TRDN: variants seen among roughly 807,000 people sequenced by gnomAD.
The protein encoded by TRDN is triadin in skeletal muscle.
A neutral mutation model predicts 149.7 loss-of-function variants in TRDN; 161 were observed. That is an observed-to-expected ratio of 1.08 (90% CI 0.95 to 1.23). The LOEUF is 1.23. TRDN is among the 50% of genes most tolerant of loss of function. The pLI, the probability that TRDN is intolerant of heterozygous loss-of-function variation, is 0.00. For synonymous variants in TRDN, 294 were observed against 250.5 expected (o/e 1.17, Z -1.64); for missense variants, 896 against 823.5 (o/e 1.09, Z -1.08).
At chr6:123,257,863 T>C (rs899865630) in intron 35 of TRDN, among the ~76,000 whole-genome samples, 3 of 152,136 alleles carry the variant, frequency 2.0e-5, no homozygotes, top group African/African-American at 7.2e-5. Flanking sequence ...CCTTGTAAGT[T>C]GTATTCCTAG....
At chr6:123,619,950 C>T (rs1226130598) in intron 1 of TRDN, among the ~76,000 whole-genome samples, 1 of 152,062 alleles carries the variant, frequency 6.6e-6, no homozygotes, top group Non-Finnish European at 1.5e-5. Flanking sequence ...GGCTCTTGAC[C>T]TCCACACACT....
intron 1 of TRDN, among the ~76,000 whole-genome samples, chr6:123,607,653 A>G (rs1784583799): frequency 1.3e-5 from 2 of 152,144 alleles, no homozygotes; most frequent in Admixed American, 1.3e-4. Context: ...CCATATAGAA[A>G]TTATACAACT....
At chr6:123,522,571 C>G (rs191511156) in intron 5 of TRDN, among the ~76,000 whole-genome samples, 92 of 92,350 alleles carry the variant, frequency 1.0e-3, no homozygotes, top group African/African-American at 3.6e-3. Context: ...TTTATCTGTA[C>G]TATTATAATT....
In TRDN at chr6:123,625,110, T is replaced by C. The variant is rs150240123; in HGVS notation, c.22+11644A>G. Among the ~76,000 whole-genome samples, 410 of 152,036 alleles carry C rather than the reference T, an allele frequency of 2.7e-3. 2 individuals carry two copies. Among genetic ancestry groups the C allele is most frequent in the African/African-American group, 9.3e-3 (387 of 41,488 alleles). The stretch of plus-strand genomic sequence containing the variant: ...TTTCTGCATTGATCAAATGTACTCT[T>C]GATCTCCTTACTCCTTGAAAAATCA... On this transcript the variant is annotated intron_variant, in intron 1 of 40. Transcript: ENST00000334268.
At chr6:123,275,168 T>G (rs1777329420) in intron 26 of TRDN, among the ~76,000 whole-genome samples, 1 of 152,030 alleles carries the variant, frequency 6.6e-6, no homozygotes, top group Non-Finnish European at 1.5e-5. Context: ...CCAAACAATC[T>G]GTTGAGTCCT....
In TRDN at chr6:123,379,298, C is replaced by A. The variant is rs187238261; in HGVS notation, c.1187-1400G>T. Among the ~76,000 whole-genome samples, 11 of 152,234 alleles carry A rather than the reference C, an allele frequency of 7.2e-5. No homozygotes were observed. In the East Asian group the frequency reaches 1.5e-3, roughly 21 times the overall value. On this transcript the variant is annotated intron_variant, in intron 16 of 40. Transcript: ENST00000334268. Reference sequence around the variant, plus strand: ...AAGTGTGGTATAATGAGCAACTTATCCTCTTTTAAGACAGCCTTTAAGCAG... The same window carrying A: ...AAGTGTGGTATAATGAGCAACTTATACTCTTTTAAGACAGCCTTTAAGCAG...
chr6:123,430,111 A>C (rs1264195655), intron 12 of TRDN, among the ~76,000 whole-genome samples: 6 of 152,050 alleles, frequency 3.9e-5, no homozygotes, highest in Non-Finnish European at 7.4e-5. Flanking sequence ...CTCTACAAAA[A>C]TAAACAAAAT....
In TRDN at chr6:123,632,537, G is replaced by A. The variant is rs59906197; in HGVS notation, c.22+4217C>T. Among the ~76,000 whole-genome samples the A allele has an allele frequency of 5.4e-3, 817 of 152,056 alleles. 10 individuals are homozygous for A. The highest frequency in any genetic ancestry group is 0.019 in the African/African-American group (776 of 41,492). Reference sequence around the variant, plus strand: ...TCATTTAACTGTGCCTTTCACCATCGTGGTACTCCTCTTTTGAATAGGCTA... The same window carrying A: ...TCATTTAACTGTGCCTTTCACCATCATGGTACTCCTCTTTTGAATAGGCTA... On this transcript the variant is annotated intron_variant, in intron 1 of 40. Coordinates refer to ENST00000334268, the MANE Select transcript of TRDN (RefSeq NM_006073.4).
chr6:123,633,947 C>G (rs1278835738), intron 1 of TRDN, among the ~76,000 whole-genome samples: 1 of 151,950 alleles, frequency 6.6e-6, no homozygotes, highest in Non-Finnish European at 1.5e-5. Context: ...TCTGTATGAG[C>G]CTTGTCTTCC....
intron 10 of TRDN, among the ~76,000 whole-genome samples, chr6:123,453,297 A>G (rs1775900091): frequency 6.6e-6 from 1 of 152,230 alleles, no homozygotes; most frequent in Non-Finnish European, 1.5e-5. Flanking sequence ...AGCAAAAGGA[A>G]CAGTTGGCAG....
At chr6:123,274,515 G>T in intron 27 of TRDN, 126 bp downstream of exon 27, 1 of 786,360 alleles carries the variant, frequency 1.3e-6, no homozygotes, top group East Asian at 2.9e-5. Context: ...CAATGGAGTT[G>T]ACAAAATAAT....
Position 123,350,346 on chromosome 6 carries a change from A to T in TRDN, c.1369+2193T>A, listed in dbSNP as rs191176499. The T allele has an allele frequency of 6.5e-3, 6,126 of 946,792 alleles. 36 individuals carry two copies. Among genetic ancestry groups the T allele is most frequent in the Non-Finnish European group, 7.2e-3 (5,752 of 794,760 alleles). 58.6% of individuals were successfully genotyped at this position (946,792 alleles called of 1,614,324 possible). A position where few individuals can be genotyped will look rare whatever the true frequency, so the allele number is the denominator to read the frequency against. On this transcript the variant is annotated intron_variant, in intron 21 of 40. Transcript: ENST00000334268. ...CAATATGCACAATTATACTCAGATC[A>T]CAAAGTGTACTTAAACTCTATTAAG...
intron 7 of TRDN, among the ~76,000 whole-genome samples, chr6:123,506,746 C>A (rs1479968889): frequency 6.6e-6 from 1 of 152,092 alleles, no homozygotes; most frequent in East Asian, 1.9e-4. Context: ...GCCTCGGCCT[C>A]CCAAAGTGCT....
chr6:123,350,043 GAAT>G (rs1780398390), intron 21 of TRDN: 1 of 984,274 alleles, frequency 1.0e-6, no homozygotes, highest in Non-Finnish European at 1.2e-6. Context: ...AGGCAAAGTT[GAAT>G]ATTTTATTAT....
At chr6:123,274,742 T>G in intron 26 of TRDN, 72 bp from the exon 27 acceptor site, 1 of 1,397,684 alleles carries the variant, frequency 7.2e-7, no homozygotes, top group Admixed American at 2.0e-5. Flanking sequence ...TTTTTAGAAA[T>G]AATTTTATTT....
intron 1 of TRDN, among the ~76,000 whole-genome samples, chr6:123,612,113 G>A (rs1043939216): frequency 1.3e-5 from 2 of 151,398 alleles, no homozygotes; most frequent in Non-Finnish European, 2.9e-5. Flanking sequence ...AGAGGGGGCC[G>A]GGCGCAATGG....
chr6:123,585,675 C>CAG, intron 1 of TRDN, among the ~76,000 whole-genome samples: 3 of 152,266 alleles, frequency 2.0e-5, no homozygotes, highest in South Asian at 2.1e-4. Context: ...GGGTTCCGTA[C>CAG]AGATGGGACG....
At chr6:123,269,743 A>G in intron 31 of TRDN, 106 bp downstream of exon 31, 1 of 1,098,452 alleles carries the variant, frequency 9.1e-7, no homozygotes, top group Non-Finnish European at 1.3e-6. Flanking sequence ...TTATTTAGAC[A>G]CAGACAACAC....
intron 7 of TRDN, among the ~76,000 whole-genome samples, chr6:123,511,936 T>TGA (rs910674163): frequency 1.3e-5 from 2 of 152,036 alleles, no homozygotes; most frequent in African/African-American, 4.8e-5. Flanking sequence ...TGAGCCCACC[T>TGA]GGATAATCCA....
Sources: gnomAD v4.1 joint callset for allele counts (sites outside exome capture counted in the v4.1 genomes callset) on GRCh38, gnomAD v4.1.1 for gene constraint, MANE v1.5 for transcripts, NCBI Gene and HGNC (gene_info 2026-07-23, HGNC 2026-07-21) for gene names.